HPCAL1: variants seen among roughly 807,000 people sequenced by gnomAD.
The protein encoded by HPCAL1 is hippocalcin like 1, also known as hippocalcin-like protein 1.
In HPCAL1, 8 loss-of-function variants were observed where a neutral mutation model predicts 17.1. The observed-to-expected ratio is 0.47, with a 90% confidence interval of 0.27 to 0.84. HPCAL1 has a LOEUF of 0.84. Ranked by LOEUF, HPCAL1 falls within the 40% of genes least tolerant of loss-of-function variation. The pLI is 0.13. For missense variants in HPCAL1, 165 were observed against 271.1 expected (o/e 0.61, Z 2.75); for synonymous variants, 112 against 111.4 (o/e 1.01, Z -0.03).
At chr2:10,325,172 G>T (rs182381294) in intron 1 of HPCAL1, among the ~76,000 whole-genome samples, 108 of 152,064 alleles carry the variant, frequency 7.1e-4, no homozygotes, top group Middle Eastern at 3.4e-3. Flanking sequence ...TAGAGAGAGG[G>T]TCTCGCTCTG....
rs559112218 is a variant in HPCAL1, at chr2:10,387,422, C to A, written c.-110-9413C>A. ...TGGAGAAGCGCTTGGTGTATTCCCC[C>A]ACCCTCTCACCCCCACAGCGTTCCT... On this transcript the variant is annotated intron_variant, in intron 1 of 4. Transcript: ENST00000307845. Among the ~76,000 whole-genome samples the A allele has an allele frequency of 7.2e-4, 109 of 152,314 alleles. 3 individuals are homozygous for A. The highest frequency in any genetic ancestry group is 1.9e-4 in the Non-Finnish European group (13 of 68,024).
chr2:10,395,845 G>A lies in HPCAL1; in HGVS notation c.-110-990G>A, dbSNP rs191220779. 4.7e-3 allele frequency among the ~76,000 whole-genome samples: 712 copies of A among 152,244 alleles called. 5 individuals carry two copies. The highest frequency in any genetic ancestry group is 0.016 in the African/African-American group (677 of 41,524). On this transcript the variant is annotated intron_variant, in intron 1 of 4. Transcript: ENST00000307845. The surrounding 1 kb of genome is among the most constrained non-coding windows in gnomAD (Gnocchi z 4.4). Reference sequence around the variant, plus strand: ...TGCCTGCCTCCCAGGGCTGCTGTGTGGATTACGTTGGATAATGAGTACAAA... The same window carrying A: ...TGCCTGCCTCCCAGGGCTGCTGTGTAGATTACGTTGGATAATGAGTACAAA...
intron 1 of HPCAL1, among the ~76,000 whole-genome samples, chr2:10,345,373 A>G (rs531169878): frequency 2.6e-4 from 39 of 152,146 alleles, no homozygotes; most frequent in Non-Finnish European, 5.0e-4. Context: ...CATTTGTAAA[A>G]TGGAAGCACT....
Position 10,348,845 on chromosome 2 carries a change from T to G in HPCAL1, c.-111+45668T>G, listed in dbSNP as rs187115110. On this transcript the variant is annotated intron_variant, in intron 1 of 4. Coordinates refer to ENST00000307845, the MANE Select transcript of HPCAL1 (RefSeq NM_002149.4). ...AAATCCAGATTTGTCTGGTATGATG[T>G]TCGTTGAACCCATTTAGTCCAGCAG... Among the ~76,000 whole-genome samples, 33 of 152,296 alleles carry G rather than the reference T, an allele frequency of 2.2e-4. No homozygotes were observed. The East Asian group carries it at 6.4e-3, about 29-fold the overall frequency.
At chr2:10,420,182 TC>T (rs775186152) in intron 3 of HPCAL1, 47 bp downstream of exon 3, 1 of 1,007,068 alleles carries the variant, frequency 9.9e-7, no homozygotes, top group Non-Finnish European at 1.4e-6. Context: ...CCAGGTCCCC[TC>T]CCAGCTCCCA....
At chr2:10,338,372 T>G (rs1379556321) in intron 1 of HPCAL1, among the ~76,000 whole-genome samples, 1 of 152,118 alleles carries the variant, frequency 6.6e-6, no homozygotes, top group African/African-American at 2.4e-5. Flanking sequence ...GAATGGGGTG[T>G]GAACTTTGGA....
In HPCAL1 at chr2:10,419,450, T is replaced by C. The variant is rs986298606; in HGVS notation, c.-24-284T>C. Among the ~76,000 whole-genome samples, 1 of 152,198 alleles carries C rather than the reference T, an allele frequency of 6.6e-6. No individual in the cohort carries two copies. Among genetic ancestry groups the C allele is most frequent in the Non-Finnish European group, 1.5e-5 (1 of 68,046 alleles). On this transcript the variant is annotated intron_variant, in intron 2 of 4. Coordinates refer to ENST00000307845, the MANE Select transcript of HPCAL1 (RefSeq NM_002149.4). The surrounding 1 kb of genome is among the most constrained non-coding windows in gnomAD (Gnocchi z 5.0). ...ACAACCCCTGGTGGGCACCGGATGA[T>C]GCCCTGTTCCACTGATTTTAAGTTG... is the stretch of plus-strand genomic sequence containing the variant.
rs917485105 is a variant in HPCAL1 at position 10,304,920 on chromosome 2, T to C, written c.-111+1743T>C. 6.6e-6 allele frequency among the ~76,000 whole-genome samples: 1 copy of C among 152,152 alleles called. No homozygotes were observed. The highest frequency in any genetic ancestry group is 2.4e-5 in the African/African-American group (1 of 41,438). On this transcript the variant is annotated intron_variant, in intron 1 of 4. Transcript: ENST00000307845. The surrounding 1 kb of genome is among the most constrained non-coding windows in gnomAD (Gnocchi z 4.1). ...TTTTGGTATGGATGCGCTTCCCAAC[T>C]GTCAGGGGCTACGTGATGGTGTTCC...
In HPCAL1 at chr2:10,331,786, T is replaced by G. The variant is rs1664399051; in HGVS notation, c.-111+28609T>G. On this transcript the variant is annotated intron_variant, in intron 1 of 4. Transcript: ENST00000307845. This position sits in a 1 kb window ranked among gnomAD's most constrained non-coding sequence, Gnocchi z 5.0. ...AGCCGCCATCAACTGCTTGGTGACATTGGCCAATCCTGTGGTGGCCCCAGC... is the reference window on the plus strand; with the variant it reads ...AGCCGCCATCAACTGCTTGGTGACAGTGGCCAATCCTGTGGTGGCCCCAGC... Among the ~76,000 whole-genome samples, 1 of 152,144 alleles carries G rather than the reference T, an allele frequency of 6.6e-6. No individual in the cohort carries two copies. The highest frequency in any genetic ancestry group is 1.5e-5 in the Non-Finnish European group (1 of 68,016).
At chr2:10,405,322 C>T (rs952024924) in intron 2 of HPCAL1, among the ~76,000 whole-genome samples, 1 of 152,242 alleles carries the variant, frequency 6.6e-6, no homozygotes. Flanking sequence ...AGCAAACAGG[C>T]TGGGTCTGGA....
chr2:10,415,367 C>T (rs566609348), intron 2 of HPCAL1, among the ~76,000 whole-genome samples: 7 of 152,304 alleles, frequency 4.6e-5, no homozygotes, highest in East Asian at 3.9e-4. Context: ...CCAGGTGCCC[C>T]GCACCCCCAT....
rs964717400 is a variant in HPCAL1, at chr2:10,363,532, G to A, written c.-110-33303G>A. Among the ~76,000 whole-genome samples the A allele has an allele frequency of 3.3e-5, 5 of 152,204 alleles. No homozygotes were observed. The highest frequency in any genetic ancestry group is 1.2e-4 in the African/African-American group (5 of 41,434). On this transcript the variant is annotated intron_variant, in intron 1 of 4. Coordinates refer to ENST00000307845, the MANE Select transcript of HPCAL1 (RefSeq NM_002149.4). The surrounding 1 kb of genome is among the most constrained non-coding windows in gnomAD (Gnocchi z 4.7). ...CTCTACACGTGGCGTTTCAGGTCTG[G>A]AGAGTCATGTGGTGTAGCTGTATTT...
chr2:10,334,695 C>CTTTTTTTTCTTTTTT (rs553228833), intron 1 of HPCAL1, among the ~76,000 whole-genome samples: 1 of 146,330 alleles, frequency 6.8e-6, no homozygotes, highest in Non-Finnish European at 1.5e-5. Context: ...ATTCCATTGA[C>CTTTTTTTTCTTTTTT]TTTTTTTTGA....
chr2:10,412,010 G>T (rs189090438), intron 2 of HPCAL1, among the ~76,000 whole-genome samples: 3 of 152,164 alleles, frequency 2.0e-5, no homozygotes, highest in Non-Finnish European at 2.9e-5. Context: ...CCGCTGAGTC[G>T]CAGTACAGGG....
intron 1 of HPCAL1, among the ~76,000 whole-genome samples, chr2:10,386,445 C>G (rs1190457857): frequency 6.6e-6 from 1 of 152,094 alleles, no homozygotes. Flanking sequence ...TTGAGAGTCC[C>G]CCTGGCTGCA....
At position 10,342,425 on chromosome 2, in the gene HPCAL1, G is replaced by A. The variant is rs1230550204; in HGVS notation, c.-111+39248G>A. 6.6e-6 allele frequency among the ~76,000 whole-genome samples: 1 copy of A among 151,950 alleles called. No homozygotes were observed. Among genetic ancestry groups the A allele is most frequent in the Non-Finnish European group, 1.5e-5 (1 of 68,012 alleles). On this transcript the variant is annotated intron_variant, in intron 1 of 4. Transcript: ENST00000307845. The surrounding 1 kb of genome is among the most constrained non-coding windows in gnomAD (Gnocchi z 4.1). ...GTCCTGGGATATAGCCACATGTGCA[G>A]TCCGTGCCTCCAGCGCGCAGCCTGA... is the stretch of plus-strand genomic sequence containing the variant.
At chr2:10,351,265 A>C (rs184646293) in intron 1 of HPCAL1, among the ~76,000 whole-genome samples, 1 of 152,364 alleles carries the variant, frequency 6.6e-6, no homozygotes. Flanking sequence ...ACATGGACCA[A>C]CCTTGAAAAG....
chr2:10,382,556 G>A (rs981383987), intron 1 of HPCAL1, among the ~76,000 whole-genome samples: 1 of 144,386 alleles, frequency 6.9e-6, no homozygotes, highest in African/African-American at 2.6e-5. Context: ...CGATTTTGCT[G>A]TGAACTAAAC....
At chr2:10,338,397 A>G (rs1366225208) in intron 1 of HPCAL1, among the ~76,000 whole-genome samples, 3 of 152,154 alleles carry the variant, frequency 2.0e-5, no homozygotes, top group African/African-American at 7.2e-5. Flanking sequence ...TGCGGCCTGG[A>G]TATCAGCTGT....
Sources: gnomAD v4.1 joint callset for allele counts (sites outside exome capture counted in the v4.1 genomes callset) on GRCh38, gnomAD v4.1.1 for gene constraint, Gnocchi (gnomAD v3.1) non-coding constraint, MANE v1.5 for transcripts, NCBI Gene and HGNC (gene_info 2026-07-23, HGNC 2026-07-21) for gene names.